Variants in LRP1B observed in about 807,000 individuals in gnomAD.
The protein encoded by LRP1B is LDL receptor related protein 1B.
LRP1B carries 217 observed loss-of-function variants against 556.6 expected under a neutral mutation model. That is an observed-to-expected ratio of 0.39 (90% CI 0.35 to 0.44). LRP1B has a LOEUF of 0.44. LRP1B is among the 20% of genes least tolerant of loss of function. The pLI, the probability that LRP1B is intolerant of heterozygous loss-of-function variation, is 1.00. For missense variants in LRP1B, 5,053 were observed against 5,620.8 expected, an observed-to-expected ratio of 0.90 and a Z score of 3.23; for synonymous variants, 2,047 against 1,865.8, an observed-to-expected ratio of 1.10 and a Z score of -2.50.
intron 23 of LRP1B, among the ~76,000 whole-genome samples, chr2:140,890,288 T>C (rs561667176): frequency 4.0e-4 from 61 of 152,324 alleles, no homozygotes; most frequent in Admixed American, 3.7e-3. Flanking sequence ...AGTTATCTAA[T>C]GTTTTATTAC....
chr2:141,901,645 G>A (rs1055580542), intron 1 of LRP1B, among the ~76,000 whole-genome samples: 1 of 151,592 alleles, frequency 6.6e-6, no homozygotes, highest in African/African-American at 2.4e-5. Flanking sequence ...CAAGATTTTT[G>A]CCATTTTAAT....
rs535342183 is a variant in LRP1B, at chr2:140,422,542, T to G, written c.10414+19962A>C. ...TTAACAGAATGGAAAATATAGCCCA[T>G]GAAGAGAGATGAAACAAAATGGAAT... is the stretch of plus-strand genomic sequence containing the variant. On this transcript the variant is annotated intron_variant, in intron 66 of 90. Coordinates refer to ENST00000389484, the MANE Select transcript of LRP1B (RefSeq NM_018557.3). Among the ~76,000 whole-genome samples, 66 of 152,168 alleles carry G rather than the reference T, an allele frequency of 4.3e-4. 1 individual carries two copies. Among genetic ancestry groups the G allele is most frequent in the African/African-American group, 1.6e-3 (66 of 41,502 alleles).
chr2:141,948,625 G>A (rs1264875499), intron 1 of LRP1B, among the ~76,000 whole-genome samples: 1 of 151,854 alleles, frequency 6.6e-6, no homozygotes, highest in Non-Finnish European at 1.5e-5. Context: ...CTCTTGATGA[G>A]CATTGAAGCC....
Position 140,842,681 on chromosome 2 carries a change from C to T in LRP1B, c.4940-1589G>A, listed in dbSNP as rs564905688. Among the ~76,000 whole-genome samples the T allele has an allele frequency of 3.6e-4, 55 of 152,078 alleles. 3 individuals carry two copies. The South Asian group carries it at 0.011, about 31-fold the overall frequency. ...GCCACGTCTTATACATATTTATTTCCCTCACTCAGAATCTTTATTCCTTCT... is the reference window on the plus strand; with the variant it reads ...GCCACGTCTTATACATATTTATTTCTCTCACTCAGAATCTTTATTCCTTCT... On this transcript the variant is annotated intron_variant, in intron 29 of 90. Coordinates refer to ENST00000389484, the MANE Select transcript of LRP1B (RefSeq NM_018557.3).
chr2:141,859,934 T>C (rs1698184681), intron 1 of LRP1B, among the ~76,000 whole-genome samples: 1 of 152,236 alleles, frequency 6.6e-6, no homozygotes, highest in Non-Finnish European at 1.5e-5. Context: ...AAATCTCATG[T>C]TCAACAATGT....
At chr2:141,736,099 C>T (rs1574300646) in intron 2 of LRP1B, among the ~76,000 whole-genome samples, 2 of 152,100 alleles carry the variant, frequency 1.3e-5, no homozygotes, top group South Asian at 4.2e-4. Flanking sequence ...CAGGTTGTTC[C>T]CAGAAAGAAT....
chr2:141,366,010 C>T (rs1005819846), intron 3 of LRP1B, among the ~76,000 whole-genome samples: 1 of 152,072 alleles, frequency 6.6e-6, no homozygotes, highest in Non-Finnish European at 1.5e-5. Flanking sequence ...CTAGTTAGCC[C>T]TCTTGTTAAT....
intron 7 of LRP1B, among the ~76,000 whole-genome samples, chr2:141,077,380 A>G (rs993632738): frequency 6.6e-5 from 10 of 152,220 alleles, no homozygotes; most frequent in African/African-American, 2.2e-4. Flanking sequence ...TGTTTCGATC[A>G]CACTTGGATT....
chr2:142,093,173 T>C (rs1706233222), intron 1 of LRP1B, among the ~76,000 whole-genome samples: 2 of 152,144 alleles, frequency 1.3e-5, no homozygotes, highest in Non-Finnish European at 2.9e-5. Context: ...TTTTCTACAG[T>C]AATTAAAACT....
intron 20 of LRP1B, among the ~76,000 whole-genome samples, chr2:140,923,419 GAAGT>G (rs1694801285): frequency 6.6e-6 from 1 of 152,016 alleles, no homozygotes; most frequent in African/African-American, 2.4e-5. Flanking sequence ...TAGAAAAGAA[GAAGT>G]AAGATAATTT....
chr2:141,387,063 C>A (rs73963069), intron 3 of LRP1B, among the ~76,000 whole-genome samples: 4,104 of 151,888 alleles, frequency 0.027, 185 homozygotes, highest in African/African-American at 0.094. Flanking sequence ...TAGAAAACTG[C>A]CAAATATGTA....
At chr2:140,359,461 C>T (rs1162654892) in intron 72 of LRP1B, among the ~76,000 whole-genome samples, 2 of 151,612 alleles carry the variant, frequency 1.3e-5, no homozygotes, top group Non-Finnish European at 3.0e-5. Flanking sequence ...CATATATGAT[C>T]TTAGTTATTC....
chr2:141,861,907 G>T (rs1421232699), intron 1 of LRP1B, among the ~76,000 whole-genome samples: 1 of 150,786 alleles, frequency 6.6e-6, no homozygotes, highest in African/African-American at 2.4e-5. Context: ...TTTAGCCTGG[G>T]CAACAGAGTG....
At chr2:140,634,408 T>C (rs918185495) in intron 41 of LRP1B, among the ~76,000 whole-genome samples, 1 of 152,058 alleles carries the variant, frequency 6.6e-6, no homozygotes, top group African/African-American at 2.4e-5. Flanking sequence ...GAAAATGAGA[T>C]AAATTTCCCA....
At chr2:140,291,320 T>TATATATATATATATATATATATA (rs745524571) in intron 84 of LRP1B, among the ~76,000 whole-genome samples, 1,542 of 50,692 alleles carry the variant, frequency 0.03, 248 homozygotes, top group Non-Finnish European at 0.044. Flanking sequence ...ATATATATAT[T>TATATATATATATATATATATATA]TTTATTATAC....
At chr2:141,230,425 C>G (rs1683415183) in intron 5 of LRP1B, among the ~76,000 whole-genome samples, 7 of 152,136 alleles carry the variant, frequency 4.6e-5, no homozygotes. Context: ...CTATGCCCTT[C>G]TCACCTTTAC....
At chr2:140,400,970 A>G (rs1037964016) in intron 66 of LRP1B, among the ~76,000 whole-genome samples, 1 of 152,192 alleles carries the variant, frequency 6.6e-6, no homozygotes, top group African/African-American at 2.4e-5. Flanking sequence ...CCTTGGCGGT[A>G]TTTCCAGTCT....
chr2:140,980,849 C>T (rs1315341190), intron 18 of LRP1B, among the ~76,000 whole-genome samples: 2 of 152,180 alleles, frequency 1.3e-5, no homozygotes, highest in African/African-American at 4.8e-5. Context: ...CCTTAGTGCC[C>T]ATCCAACCAA....
chr2:141,795,930 G>C (rs1299369065), intron 2 of LRP1B, among the ~76,000 whole-genome samples: 1 of 128,928 alleles, frequency 7.8e-6, no homozygotes, highest in East Asian at 2.3e-4. Context: ...CATGAACCTG[G>C]CCATCTGAAT....
Sources: gnomAD v4.1 joint callset for allele counts (sites outside exome capture counted in the v4.1 genomes callset) on GRCh38, gnomAD v4.1.1 for gene constraint, MANE v1.5 for transcripts, NCBI Gene and HGNC (gene_info 2026-07-23, HGNC 2026-07-21) for gene names.